Variants in TANC2 observed in about 807,000 individuals in gnomAD.
TANC2 encodes the protein tetratricopeptide repeat, ankyrin repeat and coiled-coil containing 2, also known as protein TANC2.
Under a neutral mutation model 210.5 loss-of-function variants are expected in TANC2, and 26 were observed. The ratio of observed to expected loss-of-function variants is 0.12; its 90% CI spans 0.09 to 0.17. TANC2 has a LOEUF of 0.17. TANC2 is among the 10% of genes least tolerant of loss of function. The pLI is 1.00. For missense variants in TANC2, 2,129 were observed against 2,608.9 expected (o/e 0.82, Z 4.01); for synonymous variants, 931 against 967.1 (o/e 0.96, Z 0.69).
chr17:63,105,035 T>A lies in TANC2; in HGVS notation c.322+5678T>A, dbSNP rs148148350. 1.3e-3 allele frequency among the ~76,000 whole-genome samples: 203 copies of A among 151,722 alleles called. 8 individuals are homozygous for A. The highest frequency in any genetic ancestry group is 4.6e-3 in the African/African-American group (190 of 41,044). On this transcript the variant is annotated intron_variant, in intron 4 of 27. Coordinates refer to ENST00000689528, the Ensembl canonical transcript of TANC2. The stretch of plus-strand genomic sequence containing the variant: ...AATGTTAGCTAAATTATTATTATAG[T>A]TTCTAAAGAGATGTGGGTATTGAGT...
chr17:63,162,171 G>C lies in TANC2; in HGVS notation c.433+10791G>C, dbSNP rs1045036752. Reference sequence around the variant, plus strand: ...TAAAAATAAAAAGCCAGGCATGGTGGCATGTGCCTGTAGTTCCAGCTACTT... The same window carrying C: ...TAAAAATAAAAAGCCAGGCATGGTGCCATGTGCCTGTAGTTCCAGCTACTT... On this transcript the variant is annotated intron_variant, in intron 5 of 27. Transcript: ENST00000689528. Among the ~76,000 whole-genome samples the C allele has an allele frequency of 9.2e-5, 14 of 152,262 alleles. No homozygotes were observed. In the South Asian group the frequency reaches 2.3e-3, roughly 25 times the overall value.
chr17:63,168,213 AAAATC>A (rs1262859984), intron 5 of TANC2, among the ~76,000 whole-genome samples: 1 of 152,200 alleles, frequency 6.6e-6, no homozygotes, highest in Non-Finnish European at 1.5e-5. Flanking sequence ...TTCAAAAAGA[AAAATC>A]AAAGAAGGCA....
chr17:63,321,634 G>A (rs1337045572), intron 11 of TANC2, among the ~76,000 whole-genome samples: 2 of 152,122 alleles, frequency 1.3e-5, no homozygotes, highest in Non-Finnish European at 2.9e-5. Flanking sequence ...TATATGTCTT[G>A]GGTGCCAGCA....
At position 63,169,990 on chromosome 17, in the gene TANC2, G is replaced by A. The variant is rs1438406072; in HGVS notation, c.433+18610G>A. Among the ~76,000 whole-genome samples the A allele has an allele frequency of 2.7e-5, 4 of 148,274 alleles. No homozygotes were observed. The South Asian group carries it at 8.6e-4, about 32-fold the overall frequency. Reference sequence around the variant, plus strand: ...AAAAATTAGCCAGGCGCGGTGGCAGGTGCCTGTAGTCCCAGCTACTCGGGA... The same window carrying A: ...AAAAATTAGCCAGGCGCGGTGGCAGATGCCTGTAGTCCCAGCTACTCGGGA... On this transcript the variant is annotated intron_variant, in intron 5 of 27. Coordinates refer to ENST00000689528, the Ensembl canonical transcript of TANC2.
intron 14 of TANC2, among the ~76,000 whole-genome samples, chr17:63,358,376 A>AGAGAGTGTGTGTGTGTGTGTGT (rs1470682571): frequency 4.9e-5 from 4 of 80,942 alleles, no homozygotes; most frequent in African/African-American, 1.5e-4. Flanking sequence ...AGAGAGAGAG[A>AGAGAGTGTGTGTGTGTGTGTGT]GTATGTGTGT....
chr17:63,253,716 C>T (rs537407156), intron 8 of TANC2, among the ~76,000 whole-genome samples: 119 of 152,220 alleles, frequency 7.8e-4, no homozygotes, highest in African/African-American at 2.4e-3. Context: ...TGGACCTCAA[C>T]TTCAAGTGAT....
rs148201658 is a variant in TANC2 at position 63,140,638 on chromosome 17, A to G, written c.323-10632A>G. On this transcript the variant is annotated intron_variant, in intron 4 of 27. Transcript: ENST00000689528. ...AATGGAGACCAGGATATTGGTGGGCACTAGTAATGCCCACTGCGCTATGTA... is the reference window on the plus strand; with the variant it reads ...AATGGAGACCAGGATATTGGTGGGCGCTAGTAATGCCCACTGCGCTATGTA... Among the ~76,000 whole-genome samples the G allele has an allele frequency of 7.2e-5, 11 of 152,366 alleles. No individual in the cohort carries two copies. In the East Asian group the frequency reaches 1.9e-3, roughly 27 times the overall value.
At chr17:63,184,205 TTAGAG>T (rs780452439) in intron 5 of TANC2, among the ~76,000 whole-genome samples, 1 of 152,184 alleles carries the variant, frequency 6.6e-6, no homozygotes, top group East Asian at 1.9e-4. Context: ...ATCTAAATGT[TTAGAG>T]TAGTAAGTTT....
At chr17:63,255,384 G>A (rs892202334) in intron 8 of TANC2, among the ~76,000 whole-genome samples, 3 of 152,022 alleles carry the variant, frequency 2.0e-5, no homozygotes, top group East Asian at 1.9e-4. Flanking sequence ...GAGCCACCGC[G>A]CCCGGCCGGC....
At chr17:63,295,293 AT>A (rs752395557) in intron 9 of TANC2, among the ~76,000 whole-genome samples, 9 of 152,090 alleles carry the variant, frequency 5.9e-5, no homozygotes, top group Non-Finnish European at 1.0e-4. Flanking sequence ...TTTTTAGAAA[AT>A]TTTTTAAATA....
chr17:63,420,591 C>A lies in TANC2; in HGVS notation c.4861C>A (p.Arg1621=). 6.2e-7 allele frequency: 1 copy of A among 1,613,866 alleles called. No individual in the cohort carries two copies. The highest frequency in any genetic ancestry group is 8.5e-7 in the Non-Finnish European group (1 of 1,179,830). Residue 1621 remains arginine, a synonymous_variant, in exon 28 of 28, where the codon CGG becomes AGG. Transcript: ENST00000689528. This position sits in a 1 kb window ranked among gnomAD's most constrained non-coding sequence, Gnocchi z 4.2. ...CCCAAGCCCTCCCCCTTCCCCTCTCCGGAGAGGCCCTCAGTATCGGGCCAG... is the reference window on the plus strand; with the variant it reads ...CCCAAGCCCTCCCCCTTCCCCTCTCAGGAGAGGCCCTCAGTATCGGGCCAG...
At chr17:63,410,223 A>G (rs528745350) in intron 21 of TANC2, among the ~76,000 whole-genome samples, 1 of 152,208 alleles carries the variant, frequency 6.6e-6, no homozygotes, top group South Asian at 2.1e-4. Flanking sequence ...CACTATGACT[A>G]TAGTTAACTA....
intron 14 of TANC2, among the ~76,000 whole-genome samples, chr17:63,365,381 ATC>A (rs3068252): frequency 0.16 from 24,797 of 152,014 alleles, 2,609 homozygotes; most frequent in Non-Finnish European, 0.24. Context: ...GTTTGTTTCC[ATC>A]TCTCATGATC....
intron 21 of TANC2, among the ~76,000 whole-genome samples, chr17:63,407,380 G>A (rs2048546162): frequency 6.6e-6 from 1 of 152,210 alleles, no homozygotes; most frequent in African/African-American, 2.4e-5. Context: ...AAGATAAGAT[G>A]TGTCCAGAGT....
chr17:63,320,750 CA>C (rs2045469307), intron 11 of TANC2, among the ~76,000 whole-genome samples: 1 of 152,132 alleles, frequency 6.6e-6, no homozygotes. Context: ...TCCTTTTTAT[CA>C]CCATTGTTCT....
At chr17:63,300,000 T>C (rs1028262092) in intron 9 of TANC2, among the ~76,000 whole-genome samples, 5 of 152,350 alleles carry the variant, frequency 3.3e-5, no homozygotes, top group Non-Finnish European at 7.3e-5. Context: ...TTTCTGCATA[T>C]GGCTAGCCAG....
chr17:63,092,228 T>C (rs1441646056), intron 3 of TANC2, among the ~76,000 whole-genome samples: 6 of 152,120 alleles, frequency 3.9e-5, no homozygotes, highest in Non-Finnish European at 8.8e-5. Flanking sequence ...TCTTCATTTC[T>C]TTTGGGTAAA....
At chr17:63,137,704 A>G (rs1448511297) in intron 4 of TANC2, among the ~76,000 whole-genome samples, 1 of 152,214 alleles carries the variant, frequency 6.6e-6, no homozygotes, top group African/African-American at 2.4e-5. Context: ...CAATTAACAA[A>G]TAATGATTAA....
At chr17:63,243,957 A>C (rs368350137) in intron 8 of TANC2, among the ~76,000 whole-genome samples, 1 of 152,200 alleles carries the variant, frequency 6.6e-6, no homozygotes, top group Admixed American at 6.5e-5. Flanking sequence ...AGAAAAATGC[A>C]TGCCTTTTAC....
Sources: allele counts gnomAD v4.1 joint callset (sites outside exome capture counted in the v4.1 genomes callset), GRCh38; gene constraint gnomAD v4.1.1; non-coding constraint Gnocchi (gnomAD v3.1); transcripts MANE v1.5; gene names NCBI Gene and HGNC (gene_info 2026-07-23, HGNC 2026-07-21).